AGBL1: variants seen among roughly 807,000 people sequenced by gnomAD.
The protein encoded by AGBL1 is cytosolic carboxypeptidase 4.
A neutral mutation model predicts 118.9 loss-of-function variants in AGBL1; 130 were observed. That is an observed-to-expected ratio of 1.09 (90% CI 0.95 to 1.26). The LOEUF is 1.26. Among genes scored for constraint, AGBL1 ranks in the 50% most tolerant of loss-of-function variants. The pLI is 0.00. For synonymous variants in AGBL1, 555 were observed against 478.9 expected, an observed-to-expected ratio of 1.16 and a Z score of -2.08; for missense variants, 1,584 against 1,298.1, an observed-to-expected ratio of 1.22 and a Z score of -3.38.
intron 22 of AGBL1, among the ~76,000 whole-genome samples, chr15:86,818,724 A>T (rs1231796133): frequency 2.0e-5 from 3 of 152,168 alleles, no homozygotes; most frequent in African/African-American, 7.2e-5. Context: ...TTCTGGAATA[A>T]ATACTTGCAG....
At chr15:86,832,824 A>T (rs917338729) in intron 22 of AGBL1, among the ~76,000 whole-genome samples, 1 of 152,184 alleles carries the variant, frequency 6.6e-6, no homozygotes, top group Non-Finnish European at 1.5e-5. Flanking sequence ...AGGTATCTTT[A>T]TAGCAGCACC....
Position 86,923,655 on chromosome 15 carries a change from G to A in AGBL1, c.3222-64332G>A, listed in dbSNP as rs184618983. Among the ~76,000 whole-genome samples the A allele has an allele frequency of 4.1e-4, 63 of 152,212 alleles. 1 individual carries two copies. The highest frequency in any genetic ancestry group is 1.4e-3 in the African/African-American group (60 of 41,518). ...CTTCACATGTGACTGTCATATCTCT[G>A]CAAGTACACTATTCCCTGAAAGCAA... is the stretch of plus-strand genomic sequence containing the variant. On this transcript the variant is annotated intron_variant, in intron 23 of 24. Transcript: ENST00000441037.
At chr15:86,716,048 A>C (rs1349631224) in intron 22 of AGBL1, among the ~76,000 whole-genome samples, 1 of 147,606 alleles carries the variant, frequency 6.8e-6, no homozygotes, top group Non-Finnish European at 1.5e-5. Context: ...CCTGGGCAAC[A>C]GAGCAAGACT....
chr15:86,405,335 C>A (rs894821271), intron 18 of AGBL1, among the ~76,000 whole-genome samples: 8 of 149,680 alleles, frequency 5.3e-5, no homozygotes, highest in Admixed American at 3.4e-4. Context: ...CACAGTGAAA[C>A]CCCGTCTCTA....
chr15:86,168,118 G>C (rs776031871), intron 5 of AGBL1, among the ~76,000 whole-genome samples: 3 of 152,152 alleles, frequency 2.0e-5, no homozygotes, highest in Non-Finnish European at 2.9e-5. Flanking sequence ...TTTTATTATT[G>C]TCAGAGATTT....
At chr15:86,472,576 G>T (rs528377974) in intron 18 of AGBL1, among the ~76,000 whole-genome samples, 1 of 152,242 alleles carries the variant, frequency 6.6e-6, no homozygotes, top group South Asian at 2.1e-4. Flanking sequence ...TATAAATATT[G>T]CAACTGGAGA....
At chr15:86,410,862 A>T (rs1452907784) in intron 18 of AGBL1, among the ~76,000 whole-genome samples, 24 of 107,916 alleles carry the variant, frequency 2.2e-4, no homozygotes, top group South Asian at 1.1e-3. Context: ...TTTATATATA[A>T]AATATATAAT....
At chr15:86,858,034 C>T (rs1366544122) in intron 22 of AGBL1, among the ~76,000 whole-genome samples, 1 of 152,146 alleles carries the variant, frequency 6.6e-6, no homozygotes, top group Non-Finnish European at 1.5e-5. Flanking sequence ...CTCTTCTTCA[C>T]TCTGCCCACG....
chr15:86,820,680 A>T (rs1187893174), intron 22 of AGBL1, among the ~76,000 whole-genome samples: 1 of 152,208 alleles, frequency 6.6e-6, no homozygotes, highest in Non-Finnish European at 1.5e-5. Flanking sequence ...GTCAGGAAAC[A>T]ACAGAAACTG....
At chr15:86,820,607 A>G (rs1046241384) in intron 22 of AGBL1, among the ~76,000 whole-genome samples, 8 of 152,212 alleles carry the variant, frequency 5.3e-5, no homozygotes, top group Non-Finnish European at 1.2e-4. Flanking sequence ...ACATTAGAGA[A>G]ATGTAAATCA....
At chr15:86,775,145 G>C (rs2078236895) in intron 22 of AGBL1, among the ~76,000 whole-genome samples, 1 of 152,132 alleles carries the variant, frequency 6.6e-6, no homozygotes, top group Admixed American at 6.6e-5. Flanking sequence ...TGAAGGGTCA[G>C]TGGGATATCA....
At chr15:86,730,024 A>G (rs1424975462) in intron 22 of AGBL1, among the ~76,000 whole-genome samples, 2 of 152,214 alleles carry the variant, frequency 1.3e-5, no homozygotes, top group East Asian at 3.9e-4. Flanking sequence ...CTAATTAGCA[A>G]TGTTGAACAT....
intron 9 of AGBL1, among the ~76,000 whole-genome samples, chr15:86,258,799 C>G (rs1021483940): frequency 6.6e-6 from 1 of 152,096 alleles, no homozygotes; most frequent in African/African-American, 2.4e-5. Context: ...CTCCACCTCC[C>G]GGATCCAAGC....
intron 22 of AGBL1, among the ~76,000 whole-genome samples, chr15:86,678,909 A>G (rs2085898366): frequency 6.6e-6 from 1 of 152,080 alleles, no homozygotes; most frequent in Admixed American, 6.6e-5. Flanking sequence ...ACACATGCAT[A>G]TAACTGGGTA....
intron 23 of AGBL1, among the ~76,000 whole-genome samples, chr15:86,924,957 C>T (rs2080515759): frequency 6.6e-6 from 1 of 151,778 alleles, no homozygotes; most frequent in South Asian, 2.1e-4. Flanking sequence ...TTAAACTTAG[C>T]TGGGCATGGT....
intron 23 of AGBL1, chr15:86,935,045 G>C (rs1414951333): frequency 6.6e-6 from 1 of 152,114 alleles, no homozygotes; most frequent in East Asian, 1.9e-4. Context: ...ACTGCAGCTG[G>C]GGTCACCTTG....
chr15:86,716,505 C>G (rs2086640664), intron 22 of AGBL1, among the ~76,000 whole-genome samples: 1 of 152,266 alleles, frequency 6.6e-6, no homozygotes, highest in South Asian at 2.1e-4. Context: ...CTTAAAATTT[C>G]TACAGCTTGG....
intron 18 of AGBL1, among the ~76,000 whole-genome samples, chr15:86,422,131 C>A (rs550780219): frequency 1.4e-4 from 21 of 152,336 alleles, no homozygotes; most frequent in African/African-American, 5.1e-4. Flanking sequence ...GACCTCAAAT[C>A]AACAGAATAT....
intron 22 of AGBL1, among the ~76,000 whole-genome samples, chr15:86,897,323 T>C (rs2080142938): frequency 6.6e-6 from 1 of 152,206 alleles, no homozygotes; most frequent in South Asian, 2.1e-4. Flanking sequence ...TATATGTTGC[T>C]GTGGATCATT....
Sources: gnomAD v4.1 joint callset for allele counts (sites outside exome capture counted in the v4.1 genomes callset) on GRCh38, gnomAD v4.1.1 for gene constraint, MANE v1.5 for transcripts, NCBI Gene and HGNC (gene_info 2026-07-23, HGNC 2026-07-21) for gene names.